Variants in DOCK5 observed in about 807,000 individuals in gnomAD.
DOCK5 encodes the protein dedicator of cytokinesis protein 5.
A neutral mutation model predicts 251.8 loss-of-function variants in DOCK5; 142 were observed. The ratio of observed to expected loss-of-function variants is 0.56; its 90% CI spans 0.49 to 0.65. The LOEUF (loss-of-function observed/expected upper bound fraction) is 0.65. DOCK5 is among the 30% of genes least tolerant of loss of function. The pLI is 0.00. For missense variants in DOCK5, 2,111 were observed against 2,312.3 expected, an observed-to-expected ratio of 0.91 and a Z score of 1.79; for synonymous variants, 842 against 835.5, an observed-to-expected ratio of 1.01 and a Z score of -0.13.
intron 39 of DOCK5, among the ~76,000 whole-genome samples, chr8:25,381,471 A>T (rs1801066831): frequency 6.6e-6 from 1 of 152,058 alleles, no homozygotes; most frequent in Non-Finnish European, 1.5e-5. Flanking sequence ...CAAAAAATAT[A>T]AAAAATTAGC....
chr8:25,310,305 G>A (rs573593691), intron 12 of DOCK5, 102 bp from the exon 13 acceptor site: 1 of 1,205,362 alleles, frequency 8.3e-7, no homozygotes, highest in South Asian at 1.8e-5. Flanking sequence ...CATCTTTACA[G>A]TAAGGTTGTG....
chr8:25,404,830 C>A (rs1167065481), intron 48 of DOCK5, among the ~76,000 whole-genome samples: 3 of 152,134 alleles, frequency 2.0e-5, no homozygotes, highest in Non-Finnish European at 4.4e-5. Context: ...CCAGTTTACA[C>A]TCCCACCAGC....
intron 1 of DOCK5, among the ~76,000 whole-genome samples, chr8:25,232,591 A>G (rs536569184): frequency 1.7e-3 from 257 of 152,228 alleles, no homozygotes; most frequent in Non-Finnish European, 3.0e-3. Context: ...CAGACTGCCA[A>G]CTTATCACTG....
At chr8:25,186,227 T>C (rs73556364) in intron 1 of DOCK5, among the ~76,000 whole-genome samples, 13,802 of 152,108 alleles carry the variant, frequency 0.091, 1,033 homozygotes, top group African/African-American at 0.19. Context: ...ATTTATTATT[T>C]TTTGTTTTCC....
chr8:25,356,449 T>C (rs1051714367), intron 27 of DOCK5, among the ~76,000 whole-genome samples: 3 of 152,168 alleles, frequency 2.0e-5, no homozygotes, highest in African/African-American at 7.2e-5. Flanking sequence ...GCAGATTGCT[T>C]GATCCCAGGA....
At chr8:25,366,801 T>G in intron 30 of DOCK5, 69 bp from the exon 31 acceptor site, 3 of 1,167,210 alleles carry the variant, frequency 2.6e-6, no homozygotes, top group Non-Finnish European at 1.2e-6. Flanking sequence ...CCATGTGACA[T>G]TGTTTTATTA....
At chr8:25,362,398 C>T (rs112708385) in intron 28 of DOCK5, among the ~76,000 whole-genome samples, 87 of 151,258 alleles carry the variant, frequency 5.8e-4, no homozygotes, top group African/African-American at 2.0e-3. Flanking sequence ...GCTCCAAGTT[C>T]TCATCCAGCT....
intron 27 of DOCK5, among the ~76,000 whole-genome samples, chr8:25,358,624 A>G (rs1455447898): frequency 1.3e-5 from 2 of 152,142 alleles, no homozygotes; most frequent in Non-Finnish European, 2.9e-5. Context: ...ACATTTCTCC[A>G]TGGAATTCTA....
chr8:25,324,256 A>G (rs1439694796), intron 17 of DOCK5, among the ~76,000 whole-genome samples: 1 of 152,154 alleles, frequency 6.6e-6, no homozygotes, highest in East Asian at 1.9e-4. Context: ...TCGGCCTCTC[A>G]TGATCTGCTC....
At position 25,221,586 on chromosome 8, in the gene DOCK5, C is replaced by T. The variant is rs546709734; in HGVS notation, c.44-22088C>T. On this transcript the variant is annotated intron_variant, in intron 1 of 51. Transcript: ENST00000276440. ...CCTCCCAAAGTGCTGGGATTACAGG[C>T]GTGAGCCACTGTGCCCGGCCCATTC... 3.3e-5 allele frequency among the ~76,000 whole-genome samples: 5 copies of T among 152,292 alleles called. No individual in the cohort carries two copies. The South Asian group carries it at 1.0e-3, about 32-fold the overall frequency.
intron 29 of DOCK5, among the ~76,000 whole-genome samples, chr8:25,363,375 C>T (rs1165192692): frequency 6.6e-6 from 1 of 152,196 alleles, no homozygotes; most frequent in East Asian, 1.9e-4. Flanking sequence ...CTCTTCAGTG[C>T]TCTCATGGTA....
chr8:25,406,412 G>A (rs760469895), intron 48 of DOCK5, among the ~76,000 whole-genome samples: 3 of 152,126 alleles, frequency 2.0e-5, no homozygotes, highest in Non-Finnish European at 2.9e-5. Flanking sequence ...TTTCACAAAT[G>A]TTTAATTCCA....
chr8:25,410,038 T>C, intron 50 of DOCK5, 61 bp from the exon 51 acceptor site: 1 of 1,432,074 alleles, frequency 7.0e-7, no homozygotes, highest in Non-Finnish European at 9.6e-7. Context: ...GCCAGCAACA[T>C]TTCCATGAGC....
chr8:25,372,772 C>T, intron 35 of DOCK5, 54 bp downstream of exon 35: 1 of 1,542,856 alleles, frequency 6.5e-7, no homozygotes. Context: ...CGCCCCTGCA[C>T]CCTACAGCTC....
chr8:25,302,783 G>T (rs1804801406), intron 10 of DOCK5, among the ~76,000 whole-genome samples: 1 of 152,148 alleles, frequency 6.6e-6, no homozygotes, highest in South Asian at 2.1e-4. Context: ...GAACCTTGAG[G>T]ACTTTACACT....
chr8:25,243,487 C>T (rs568678016), intron 1 of DOCK5, among the ~76,000 whole-genome samples, 187 bp from the exon 2 acceptor site: 2 of 152,026 alleles, frequency 1.3e-5, no homozygotes, highest in Admixed American at 6.6e-5. Context: ...CCTGCCACTA[C>T]GCCCAGCTGA....
intron 45 of DOCK5, 22 bp downstream of exon 45, chr8:25,395,741 C>T (rs763246176): frequency 8.1e-6 from 13 of 1,605,734 alleles, no homozygotes; most frequent in Admixed American, 5.1e-5. Context: ...CCCAGAATCC[C>T]CTAGGGATTC....
intron 21 of DOCK5, among the ~76,000 whole-genome samples, chr8:25,335,232 C>T (rs1280877931): frequency 6.6e-6 from 1 of 152,154 alleles, no homozygotes; most frequent in African/African-American, 2.4e-5. Context: ...AGCAAGAACA[C>T]CAGTGACAGT....
At chr8:25,374,520 A>C (rs1457304666) in intron 36 of DOCK5, 44 bp from the exon 37 acceptor site, 11 of 1,562,416 alleles carry the variant, frequency 7.0e-6, no homozygotes, top group Non-Finnish European at 9.6e-6. Context: ...AAAACCTATA[A>C]AACTCTCGAG....
Sources: allele counts gnomAD v4.1 joint callset (sites outside exome capture counted in the v4.1 genomes callset), GRCh38; gene constraint gnomAD v4.1.1; transcripts MANE v1.5; gene names NCBI Gene and HGNC (gene_info 2026-07-23, HGNC 2026-07-21).